RPS3: variants seen among roughly 807,000 people sequenced by gnomAD.
RPS3 encodes ribosomal protein S3, also known as small ribosomal subunit protein uS3.
A neutral mutation model predicts 25.8 loss-of-function variants in RPS3; 2 were observed. The observed-to-expected ratio is 0.08, with a 90% CI of 0.03 to 0.24. RPS3 has a LOEUF of 0.24. RPS3 is among the 10% of genes least tolerant of loss of function. The probability of loss-of-function intolerance (pLI) is 1.00; values close to 1 mark genes in which losing one functional copy is unlikely to be tolerated. For synonymous variants in RPS3, 114 were observed against 114.2 expected, an observed-to-expected ratio of 1.00 and a Z score of 0.01; for missense variants, 107 against 307.1, an observed-to-expected ratio of 0.35 and a Z score of 4.87.
downstream of RPS3, chr11:75,406,939 TA>T (rs1448316316): frequency 6.6e-6 from 1 of 152,232 alleles, no homozygotes; most frequent in Non-Finnish European, 1.5e-5. Context: ...ATCTTAGGTA[TA>T]AATACTCTAC....
In RPS3 at chr11:75,405,617, C is replaced by A; in HGVS notation, c.*7C>A. On this transcript the variant is annotated 3_prime_UTR_variant, in exon 7 of 7. Transcript: ENST00000531188. The stretch of plus-strand genomic sequence containing the variant: ...TTTGTGCTTTATTTGGTTTCAGGGT[C>A]TCCTTGGCAGCTGTATTCTGGAGTC... The A allele has an allele frequency of 2.2e-6, 1 of 455,980 alleles. No individual in the cohort carries two copies. Among genetic ancestry groups the A allele is most frequent in the Non-Finnish European group, 4.4e-6 (1 of 226,954 alleles). The allele number at this position is 455,980 out of a possible 1,614,324, so 28.2% of individuals were successfully genotyped here. A position where few individuals can be genotyped will look rare whatever the true frequency, so the allele number is the denominator to read the frequency against.
At position 75,404,086 on chromosome 11, in the gene RPS3, T is replaced by G. The variant is rs762618211; in HGVS notation, c.417T>G (p.Ser139=). The change falls in exon 5 of 7, where the codon TCT becomes TCG. Residue 139 remains serine (S), a synonymous_variant. Transcript: ENST00000531188. The surrounding 1 kb of genome is among the most constrained non-coding windows in gnomAD (Gnocchi z 4.6). ...SGAKGCEVVV[S]GKLRGQRAKS... ...CCAAAGGCTGCGAGGTTGTGGTGTC[T>G]GGGAAACTCCGAGGACAGAGGGCTA... 2.5e-6 allele frequency: 4 copies of G among 1,613,882 alleles called. No homozygotes were observed. Among genetic ancestry groups the G allele is most frequent in the Non-Finnish European group, 1.7e-6 (2 of 1,180,030 alleles).
intron 2 of RPS3, among the ~76,000 whole-genome samples, chr11:75,401,410 A>G (rs533101416): frequency 6.6e-6 from 1 of 152,212 alleles, no homozygotes; most frequent in Admixed American, 6.5e-5. Context: ...GAAGCAGGCG[A>G]TGGCTTGAGC....
chr11:75,410,304 T>C (rs1948339191), downstream of RPS3, among the ~76,000 whole-genome samples: 1 of 148,376 alleles, frequency 6.7e-6, no homozygotes, highest in Non-Finnish European at 1.5e-5. Flanking sequence ...GTTTCCTCAC[T>C]TCTCAGACGG....
At chr11:75,400,649 C>A (rs764904512) in intron 1 of RPS3, 45 bp from the exon 2 acceptor site, 7 of 1,601,952 alleles carry the variant, frequency 4.4e-6, no homozygotes, top group Non-Finnish European at 6.0e-6. Flanking sequence ...CGAAAGTGAG[C>A]CTACACCGAT....
chr11:75,408,684 T>A (rs1379686303), downstream of RPS3, among the ~76,000 whole-genome samples: 1 of 152,074 alleles, frequency 6.6e-6, no homozygotes, highest in East Asian at 1.9e-4. Context: ...TAGCTGCGAT[T>A]ACAGAAGGCC....
downstream of RPS3, among the ~76,000 whole-genome samples, chr11:75,408,862 CTA>C (rs1235815143): frequency 3.3e-5 from 5 of 152,164 alleles, no homozygotes; most frequent in African/African-American, 9.7e-5. Flanking sequence ...TTACAGAAAA[CTA>C]TGTAAGACAA....
At chr11:75,400,347 C>T (rs747689947) in intron 1 of RPS3, 18 of 520,718 alleles carry the variant, frequency 3.5e-5, no homozygotes, top group South Asian at 2.8e-5. Flanking sequence ...GTAAATAGGC[C>T]ATTAGAGCAG....
chr11:75,411,250 G>A (rs546557759), downstream of RPS3, among the ~76,000 whole-genome samples: 202 of 152,242 alleles, frequency 1.3e-3, no homozygotes, highest in Non-Finnish European at 2.5e-3. Flanking sequence ...GACCTGAAAT[G>A]ATCCTCCTTC....
rs569038781 is a variant in RPS3 at position 75,405,455 on chromosome 11, C to G, written c.*4-159C>G. ...TTATAGGTGTTGTCTCTCCAGGTGC[C>G]TTGTATTTTTTTTTTTTATATGAAA... On this transcript the variant is annotated intron_variant, in intron 6 of 6. Transcript: ENST00000531188. 40 of 297,158 alleles carry G rather than the reference C, an allele frequency of 1.3e-4. No individual in the cohort carries two copies. In the East Asian group the frequency reaches 2.9e-3, roughly 21 times the overall value. 18.4% of individuals were successfully genotyped at this position (297,158 alleles called of 1,614,324 possible).
At chr11:75,410,071 ACCCCCCCC>A (rs1948332941), downstream of RPS3, among the ~76,000 whole-genome samples, 3 of 107,494 alleles carry the variant, frequency 2.8e-5, no homozygotes, top group African/African-American at 8.0e-5. Context: ...CGGGGGGCTG[ACCCCCCCC>A]TCCCCCCTCC....
At chr11:75,413,309 C>T (rs552958666) in intron 6 of RPS3, among the ~76,000 whole-genome samples, 1 of 151,652 alleles carries the variant, frequency 6.6e-6, no homozygotes, top group Non-Finnish European at 1.5e-5. Flanking sequence ...GGTGCGATCT[C>T]GACTCACTGC....
At chr11:75,407,216 G>T (rs1010176681), downstream of RPS3, among the ~76,000 whole-genome samples, 4 of 152,162 alleles carry the variant, frequency 2.6e-5, no homozygotes, top group African/African-American at 9.7e-5. Context: ...TCGGCTTACT[G>T]CAACCTCCGC....
Position 75,418,667 on chromosome 11 carries a change from G to A in RPS3, c.*4-3060G>A, listed in dbSNP as rs77474073. ...ATCCTAACTTCCAATTTGAGAACACGTAACGTGAGTCTCTGGATTGGGAAT... is the reference window on the plus strand; with the variant it reads ...ATCCTAACTTCCAATTTGAGAACACATAACGTGAGTCTCTGGATTGGGAAT... On this transcript the variant is annotated intron_variant, in intron 6 of 6. Coordinates refer to the RPS3 transcript ENST00000527446. 3.7e-4 allele frequency among the ~76,000 whole-genome samples: 56 copies of A among 152,276 alleles called. No homozygotes were observed. In the East Asian group the frequency reaches 8.7e-3, roughly 24 times the overall value.
chr11:75,410,085 C>A (rs1385793905), downstream of RPS3, among the ~76,000 whole-genome samples: 2 of 145,588 alleles, frequency 1.4e-5, no homozygotes, highest in African/African-American at 5.2e-5. Flanking sequence ...CCCCCTCCCC[C>A]CTCCCGGACT....
At chr11:75,420,099 C>T (rs533072210) in intron 6 of RPS3, among the ~76,000 whole-genome samples, 2 of 152,322 alleles carry the variant, frequency 1.3e-5, no homozygotes, top group African/African-American at 2.4e-5. Flanking sequence ...AAGCCGCACA[C>T]CTGAGGGCTC....
At chr11:75,416,460 A>ATTTTTTTT (rs1180090052) in intron 6 of RPS3, among the ~76,000 whole-genome samples, 2 of 132,816 alleles carry the variant, frequency 1.5e-5, no homozygotes, top group African/African-American at 5.7e-5. Flanking sequence ...GATTATTTCT[A>ATTTTTTTT]TTTTTTTTTT....
chr11:75,412,601 C>T (rs1356478897), intron 6 of RPS3, among the ~76,000 whole-genome samples: 1 of 152,118 alleles, frequency 6.6e-6, no homozygotes, highest in Non-Finnish European at 1.5e-5. Flanking sequence ...CCAGTGATCC[C>T]AAAGTAACTG....
intron 6 of RPS3, among the ~76,000 whole-genome samples, chr11:75,420,999 G>T (rs1231004942): frequency 6.6e-6 from 1 of 152,148 alleles, no homozygotes; most frequent in Non-Finnish European, 1.5e-5. Flanking sequence ...TTGTTTGGGA[G>T]GAGCGTGCCC....
Sources: gnomAD v4.1 joint callset for allele counts (sites outside exome capture counted in the v4.1 genomes callset) on GRCh38, gnomAD v4.1.1 for gene constraint, Gnocchi (gnomAD v3.1) non-coding constraint, MANE v1.5 for transcripts, NCBI Gene and HGNC (gene_info 2026-07-23, HGNC 2026-07-21) for gene names.